Variants in TMEM143 observed in about 807,000 individuals in gnomAD.
TMEM143 encodes the protein transmembrane protein 143.
TMEM143 carries 45 observed loss-of-function variants against 40.3 expected under a neutral mutation model. The ratio of observed to expected loss-of-function variants is 1.12; its 90% CI spans 0.88 to 1.43. The LOEUF (loss-of-function observed/expected upper bound fraction) is 1.43, where lower values mean the gene tolerates loss of function less well. Among genes scored for constraint, TMEM143 ranks in the 40% most tolerant of loss-of-function variants. The probability of loss-of-function intolerance (pLI) is 0.00; values close to 1 mark genes in which losing one functional copy is unlikely to be tolerated. For synonymous variants in TMEM143, 299 were observed against 282.7 expected, an observed-to-expected ratio of 1.06 and a Z score of -0.58; for missense variants, 620 against 613.4, an observed-to-expected ratio of 1.01 and a Z score of -0.11.
At chr19:48,346,967 C>T (rs1274408049) in intron 3 of TMEM143, among the ~76,000 whole-genome samples, 1 of 152,196 alleles carries the variant, frequency 6.6e-6, no homozygotes, top group Non-Finnish European at 1.5e-5. Flanking sequence ...ACCCCTCCAA[C>T]AGCTTCCCAC....
Position 48,354,162 on chromosome 19 carries a change from T to C in TMEM143, c.369+5910A>G, listed in dbSNP as rs547792346. On this transcript the variant is annotated intron_variant, in intron 3 of 7. Transcript: ENST00000293261. ...TTAGTAGAGTCGGGGTTTCACCATGTTGGCCAGATTGGTCTCGAAATCCTG... is the reference window on the plus strand; with the variant it reads ...TTAGTAGAGTCGGGGTTTCACCATGCTGGCCAGATTGGTCTCGAAATCCTG... Among the ~76,000 whole-genome samples the C allele has an allele frequency of 3.5e-4, 53 of 151,982 alleles. No homozygotes were observed. In the East Asian group the frequency reaches 8.1e-3, roughly 23 times the overall value.
chr19:48,334,508 CTTTT>C (rs1569022640), intron 6 of TMEM143, among the ~76,000 whole-genome samples: 4 of 112,616 alleles, frequency 3.6e-5, no homozygotes, highest in South Asian at 5.5e-4. Flanking sequence ...TTCTTTCTTT[CTTTT>C]CTTTCTTTCT....
intron 6 of TMEM143, among the ~76,000 whole-genome samples, chr19:48,337,423 T>G (rs188384565): frequency 1.3e-3 from 198 of 151,996 alleles, no homozygotes; most frequent in African/African-American, 3.6e-3. Context: ...TGGCGGCGCC[T>G]GTAATCCCAG....
chr19:48,351,714 A>G (rs1374979590), intron 3 of TMEM143, among the ~76,000 whole-genome samples: 1 of 152,062 alleles, frequency 6.6e-6, no homozygotes, highest in East Asian at 1.9e-4. Flanking sequence ...GTTCCCTCAC[A>G]TCTCCATAGG....
In TMEM143 at chr19:48,342,734, C is replaced by A; in HGVS notation, c.771G>T (p.Thr257=). 6.2e-7 allele frequency: 1 copy of A among 1,614,118 alleles called. No individual in the cohort carries two copies. Among genetic ancestry groups the A allele is most frequent in the Non-Finnish European group, 8.5e-7 (1 of 1,179,992 alleles). The change falls in exon 6 of 8, where the codon ACG becomes ACT. Residue 257 remains threonine, a synonymous_variant. Transcript: ENST00000293261. ...GCAGCTGCTCCAGGCCTTCCAGCGG[C>A]GTGTCCTTGAAACTCTTCAGTACCA... ...GHLVLKSFKD[T]PLEGLEQLLP... is the part of the protein sequence containing the mutation.
intron 6 of TMEM143, among the ~76,000 whole-genome samples, chr19:48,340,124 T>TTC (rs1969457621): frequency 1.9e-5 from 1 of 53,510 alleles, no homozygotes; most frequent in Admixed American, 2.1e-4. Flanking sequence ...AACTGGGATT[T>TTC]TTTTTTTTTT....
intron 6 of TMEM143, among the ~76,000 whole-genome samples, chr19:48,334,408 CTTTTTCTCTCTTTCTTTCTTTCTTTCTT>C (rs1569022160): frequency 4.1e-5 from 5 of 122,502 alleles, no homozygotes; most frequent in Non-Finnish European, 8.9e-5. Flanking sequence ...CTTTTTCTTT[CTTTTTCTCTCTTTCTTTCTTTCTTTCTT>C]TCTTTCTTTC....
chr19:48,363,736 C>T lies in TMEM143; in HGVS notation c.23+162G>A. ...AGACAGGGGTCAGAGGTCTTAGGTTCTGGGGCGTTTTTCAGGCCCAGAGAC... is the reference window on the plus strand; with the variant it reads ...AGACAGGGGTCAGAGGTCTTAGGTTTTGGGGCGTTTTTCAGGCCCAGAGAC... On this transcript the variant is annotated intron_variant, in intron 1 of 7. Coordinates refer to ENST00000293261, the MANE Select transcript of TMEM143 (RefSeq NM_018273.4). 5 of 1,403,738 alleles carry T rather than the reference C, an allele frequency of 3.6e-6. No homozygotes were observed. The East Asian group carries it at 1.2e-4, about 33-fold the overall frequency. The allele number at this position is 1,403,738 out of a possible 1,614,324, so 87.0% of individuals were successfully genotyped here. A position where few individuals can be genotyped will look rare whatever the true frequency, so the allele number is the denominator to read the frequency against.
chr19:48,359,936 C>A (rs567449105), intron 3 of TMEM143, 136 bp downstream of exon 3: 1 of 792,956 alleles, frequency 1.3e-6, no homozygotes, highest in Non-Finnish European at 2.0e-6. Flanking sequence ...GAGGGCGTCA[C>A]TTCACCTGTC....
At chr19:48,351,544 C>G (rs1969774744) in intron 3 of TMEM143, among the ~76,000 whole-genome samples, 1 of 152,194 alleles carries the variant, frequency 6.6e-6, no homozygotes, top group Non-Finnish European at 1.5e-5. Flanking sequence ...AAGTCCTCAC[C>G]ACCGCCCAGG....
At chr19:48,360,843 G>T (rs970005695) in intron 2 of TMEM143, among the ~76,000 whole-genome samples, 5 of 152,084 alleles carry the variant, frequency 3.3e-5, no homozygotes, top group African/African-American at 1.2e-4. Flanking sequence ...CTGGAGCTCA[G>T]TTGTGCAATC....
Position 48,359,766 on chromosome 19 carries a change from C to T in TMEM143, c.369+306G>A, listed in dbSNP as rs1969995472. 9 of 209,880 alleles carry T rather than the reference C, an allele frequency of 4.3e-5. 1 individual carries two copies. The South Asian group carries it at 7.1e-4, about 17-fold the overall frequency. The allele number at this position is 209,880 out of a possible 1,614,324, so 13.0% of individuals were successfully genotyped here. On this transcript the variant is annotated intron_variant, in intron 3 of 7. Coordinates refer to ENST00000293261, the MANE Select transcript of TMEM143 (RefSeq NM_018273.4). Reference sequence around the variant, plus strand: ...TTGTGATCCACCCGCCTCAGCCTCCCAAAGTGCTGGGATTACAGGCGTGAG... The same window carrying T: ...TTGTGATCCACCCGCCTCAGCCTCCTAAAGTGCTGGGATTACAGGCGTGAG...
intron 6 of TMEM143, among the ~76,000 whole-genome samples, chr19:48,336,245 C>T (rs564320478): frequency 1.3e-5 from 2 of 152,008 alleles, no homozygotes; most frequent in South Asian, 2.1e-4. Flanking sequence ...AGACCTGGCA[C>T]GGTGGTTCAT....
At chr19:48,351,419 C>T (rs536313435) in intron 3 of TMEM143, among the ~76,000 whole-genome samples, 7 of 152,302 alleles carry the variant, frequency 4.6e-5, no homozygotes, top group African/African-American at 1.4e-4. Flanking sequence ...CCGCCCCGTC[C>T]CCATCCCCAG....
rs746444611 is a variant in TMEM143 at position 48,360,210 on chromosome 19, C to A, written c.265-34G>T. 30 of 1,592,496 alleles carry A rather than the reference C, an allele frequency of 1.9e-5. No individual in the cohort carries two copies. The Admixed American group carries it at 5.1e-4, about 27-fold the overall frequency. Reference sequence around the variant, plus strand: ...TCAGGAAGCAAAACTTCTCTGTAGGCCTTTTCCCCTTCCCCGAGGGAAAGA... The same window carrying A: ...TCAGGAAGCAAAACTTCTCTGTAGGACTTTTCCCCTTCCCCGAGGGAAAGA... On this transcript the variant is annotated intron_variant, in intron 2 of 7. Coordinates refer to ENST00000293261, the MANE Select transcript of TMEM143 (RefSeq NM_018273.4).
chr19:48,337,191 C>G (rs1969390366), intron 6 of TMEM143, among the ~76,000 whole-genome samples: 1 of 152,152 alleles, frequency 6.6e-6, no homozygotes, highest in Non-Finnish European at 1.5e-5. Flanking sequence ...AGTCCTCAGT[C>G]AGCACTGTCT....
intron 3 of TMEM143, among the ~76,000 whole-genome samples, chr19:48,346,830 A>C (rs1969646859): frequency 6.6e-6 from 1 of 152,082 alleles, no homozygotes; most frequent in South Asian, 2.1e-4. Context: ...CCCCCACCTC[A>C]GTCTCCCAAA....
rs926350072 is a variant in TMEM143 at position 48,363,166 on chromosome 19, G to C, written c.264+125C>G. ...CTCCCGCCCACTAGGGAAACACGAAGGGACCCGGGAACTACAACTCCCAGG... is the reference window on the plus strand; with the variant it reads ...CTCCCGCCCACTAGGGAAACACGAACGGACCCGGGAACTACAACTCCCAGG... On this transcript the variant is annotated intron_variant, in intron 2 of 7. Coordinates refer to ENST00000293261, the MANE Select transcript of TMEM143 (RefSeq NM_018273.4). 2.2e-6 allele frequency: 3 copies of C among 1,342,452 alleles called. No individual in the cohort carries two copies. In the African/African-American group the frequency reaches 4.4e-5, roughly 20 times the overall value. The allele number at this position is 1,342,452 out of a possible 1,614,324, so 83.2% of individuals were successfully genotyped here. A position where few individuals can be genotyped will look rare whatever the true frequency, so the allele number is the denominator to read the frequency against.
At chr19:48,344,700 A>AC (rs1452694463) in intron 4 of TMEM143, among the ~76,000 whole-genome samples, 7 of 151,512 alleles carry the variant, frequency 4.6e-5, no homozygotes, top group Non-Finnish European at 8.8e-5. Flanking sequence ...GTGACCTGAG[A>AC]CAGCAGCACC....
Sources: allele counts gnomAD v4.1 joint callset (sites outside exome capture counted in the v4.1 genomes callset), GRCh38; gene constraint gnomAD v4.1.1; transcripts MANE v1.5; gene names NCBI Gene and HGNC (gene_info 2026-07-23, HGNC 2026-07-21).